The following ENTREP2 variants were observed in gnomAD, a reference collection of about 807,000 sequenced individuals.
The protein encoded by ENTREP2 is endosomal transmembrane epsin interactor 2.
the ENTREP2 span, among the ~76,000 whole-genome samples, chr15:29,540,783 G>C: frequency 4.6e-5 from 7 of 152,204 alleles, no homozygotes; most frequent in African/African-American, 1.4e-4. Context: ...TAAACAGTGT[G>C]ATCTGCACCA....
chr15:29,600,439 C>CCAT, the ENTREP2 span, among the ~76,000 whole-genome samples: 3,576 of 141,760 alleles, frequency 0.025, 151 homozygotes, highest in East Asian at 0.23. Flanking sequence ...TTCTCTCCCA[C>CCAT]CATCATCATC....
the ENTREP2 span, among the ~76,000 whole-genome samples, chr15:29,297,043 A>G: frequency 9.1e-6 from 1 of 109,458 alleles, no homozygotes. Context: ...AACCTACCAT[A>G]AAAAATCTTA....
the ENTREP2 span, among the ~76,000 whole-genome samples, chr15:29,657,484 G>GGGGC: frequency 6.2e-3 from 75 of 12,092 alleles, 1 homozygote; most frequent in East Asian, 0.024. Context: ...CTGGGGGGGC[G>GGGGC]GGGGGGGGGG....
chr15:29,451,496 G>A, the ENTREP2 span, among the ~76,000 whole-genome samples: 3 of 152,172 alleles, frequency 2.0e-5, no homozygotes, highest in Non-Finnish European at 4.4e-5. Context: ...GGGGCTGAGA[G>A]GGGCCAGTCA....
chr15:29,253,158 A>T, the ENTREP2 span, among the ~76,000 whole-genome samples: 1 of 152,218 alleles, frequency 6.6e-6, no homozygotes, highest in African/African-American at 2.4e-5. Flanking sequence ...TAATTGTCTA[A>T]ATTTTTTCAC....
chr15:29,472,448 C>A, the ENTREP2 span, among the ~76,000 whole-genome samples: 1 of 148,838 alleles, frequency 6.7e-6, no homozygotes, highest in South Asian at 2.1e-4. Context: ...CACACACACA[C>A]ACACACACAC....
chr15:29,358,615 A>G, the ENTREP2 span, among the ~76,000 whole-genome samples: 2 of 152,194 alleles, frequency 1.3e-5, no homozygotes, highest in Admixed American at 1.3e-4. Flanking sequence ...TTATTAATAA[A>G]TATTTCCTAA....
At chr15:29,564,639 T>G in the ENTREP2 span, among the ~76,000 whole-genome samples, 1 of 152,222 alleles carries the variant, frequency 6.6e-6, no homozygotes, top group Non-Finnish European at 1.5e-5. Flanking sequence ...CTCTCAGGTC[T>G]GCCCACCAGA....
the ENTREP2 span, among the ~76,000 whole-genome samples, chr15:29,559,231 CTG>C: frequency 6.6e-6 from 1 of 152,112 alleles, no homozygotes; most frequent in African/African-American, 2.4e-5. Flanking sequence ...ATACAGATGA[CTG>C]TACCCACCCA....
At chr15:29,281,866 T>C in the ENTREP2 span, among the ~76,000 whole-genome samples, 2 of 152,276 alleles carry the variant, frequency 1.3e-5, no homozygotes, top group East Asian at 3.9e-4. Flanking sequence ...CTATAGACAT[T>C]TGAATGTGAG....
the ENTREP2 span, among the ~76,000 whole-genome samples, chr15:29,479,124 G>A: frequency 4.2e-4 from 62 of 149,046 alleles, no homozygotes; most frequent in Admixed American, 1.1e-3. Context: ...GGAGAATGGC[G>A]TGAACCCGGG....
chr15:29,407,214 T>G, the ENTREP2 span, among the ~76,000 whole-genome samples: 1 of 152,246 alleles, frequency 6.6e-6, no homozygotes, highest in Non-Finnish European at 1.5e-5. Flanking sequence ...AGCATGTTAC[T>G]GTCCTGAACA....
the ENTREP2 span, among the ~76,000 whole-genome samples, chr15:29,149,478 A>G: frequency 6.6e-6 from 1 of 152,234 alleles, no homozygotes; most frequent in East Asian, 1.9e-4. Flanking sequence ...AGCTACTGGT[A>G]GGGAATGGTT....
chr15:29,371,248 C>T, the ENTREP2 span, among the ~76,000 whole-genome samples: 1 of 151,848 alleles, frequency 6.6e-6, no homozygotes, highest in Non-Finnish European at 1.5e-5. Context: ...CAACAGAGCT[C>T]CCACTTTCAA....
chr15:29,118,529 C>T, the ENTREP2 span, among the ~76,000 whole-genome samples: 1 of 152,234 alleles, frequency 6.6e-6, no homozygotes, highest in African/African-American at 2.4e-5. Context: ...CCCGCTGCAA[C>T]TGGAGGTGCC....
the ENTREP2 span, among the ~76,000 whole-genome samples, chr15:29,404,226 G>A: frequency 1.3e-5 from 2 of 152,070 alleles, no homozygotes; most frequent in African/African-American, 4.8e-5. Flanking sequence ...AAGGGACTCA[G>A]TCTATGCCCC....
chr15:29,672,568 A>T, the ENTREP2 span, among the ~76,000 whole-genome samples: 7 of 152,102 alleles, frequency 4.6e-5, no homozygotes, highest in African/African-American at 1.7e-4. Flanking sequence ...GAGTCACCAC[A>T]CACGGTCCAT....
At chr15:29,580,332 T>A in the ENTREP2 span, among the ~76,000 whole-genome samples, 3 of 152,336 alleles carry the variant, frequency 2.0e-5, no homozygotes, top group South Asian at 4.1e-4. Flanking sequence ...CAACTCCACT[T>A]CCTAATGAAG....
chr15:29,531,133 G>C, the ENTREP2 span, among the ~76,000 whole-genome samples: 1 of 152,100 alleles, frequency 6.6e-6, no homozygotes, highest in African/African-American at 2.4e-5. Flanking sequence ...CTTCCCCCCA[G>C]TTTTCTTCTT....
Sources: allele counts gnomAD v4.1 joint callset (sites outside exome capture counted in the v4.1 genomes callset), GRCh38; gene constraint gnomAD v4.1.1; transcripts MANE v1.5; gene names NCBI Gene and HGNC (gene_info 2026-07-23, HGNC 2026-07-21).